The following SLC36A4 variants were observed in gnomAD, a reference collection of about 807,000 sequenced individuals.
SLC36A4 encodes solute carrier family 36 member 4.
A neutral mutation model predicts 50.5 loss-of-function variants in SLC36A4; 49 were observed. That is an observed-to-expected ratio of 0.97 (90% CI 0.77 to 1.23). The LOEUF is 1.23. Ranked by LOEUF, SLC36A4 falls within the 50% of genes most tolerant of loss-of-function variation. SLC36A4 has a pLI of 0.00. For missense variants in SLC36A4, 611 were observed against 608.4 expected (o/e 1.00, Z -0.05); for synonymous variants, 207 against 206.5 (o/e 1.00, Z -0.02).
intron 10 of SLC36A4, chr11:93,152,829 T>G (rs1860158708): frequency 6.6e-6 from 1 of 152,110 alleles, no homozygotes; most frequent in African/African-American, 2.4e-5. Flanking sequence ...TAAAAACACT[T>G]TTACTGAAAT....
intron 1 of SLC36A4, 123 bp from the exon 2 acceptor site, chr11:93,185,937 G>A (rs923258488): frequency 1.3e-6 from 1 of 797,388 alleles, no homozygotes; most frequent in East Asian, 2.9e-5. Flanking sequence ...TCCATCCTAA[G>A]TTAGTTCATA....
intron 9 of SLC36A4, chr11:93,159,650 T>C (rs1302422664): frequency 9.1e-6 from 2 of 219,016 alleles, no homozygotes; most frequent in Non-Finnish European, 1.5e-5. Flanking sequence ...TATCACTAGA[T>C]TGAATGCCTT....
intron 1 of SLC36A4, among the ~76,000 whole-genome samples, chr11:93,190,950 A>T (rs1270809356): frequency 6.6e-6 from 1 of 152,258 alleles, no homozygotes; most frequent in Non-Finnish European, 1.5e-5. Context: ...AACTAAGAAA[A>T]GGTAAAGCAA....
At chr11:93,185,530 A>C in intron 2 of SLC36A4, 161 bp downstream of exon 2, 1 of 577,842 alleles carries the variant, frequency 1.7e-6, no homozygotes, top group Non-Finnish European at 2.8e-6. Flanking sequence ...TCTGTGATTT[A>C]AACGCATTTC....
At chr11:93,154,904 T>C (rs1860280720) in intron 9 of SLC36A4, 1 of 152,162 alleles carries the variant, frequency 6.6e-6, no homozygotes, top group African/African-American at 2.4e-5. Context: ...AATTAACTTA[T>C]CTCTTTGATA....
intron 1 of SLC36A4, among the ~76,000 whole-genome samples, chr11:93,188,223 T>C (rs1320671564): frequency 6.6e-6 from 1 of 152,236 alleles, no homozygotes; most frequent in African/African-American, 2.4e-5. Context: ...TGCTTCAAGT[T>C]GAATTCACAG....
At chr11:93,196,518 C>T (rs1056285030) in intron 1 of SLC36A4, among the ~76,000 whole-genome samples, 10 of 152,300 alleles carry the variant, frequency 6.6e-5, no homozygotes, top group African/African-American at 2.4e-4. Context: ...AGGCGCCCGC[C>T]ACCACGCCCG....
At chr11:93,177,757 G>A (rs933828787) in intron 6 of SLC36A4, among the ~76,000 whole-genome samples, 1 of 152,128 alleles carries the variant, frequency 6.6e-6, no homozygotes, top group African/African-American at 2.4e-5. Flanking sequence ...GGGGGACCCG[G>A]CTGTATGAGA....
chr11:93,187,263 G>A (rs1182915786), intron 1 of SLC36A4, among the ~76,000 whole-genome samples: 3 of 151,992 alleles, frequency 2.0e-5, no homozygotes, highest in Non-Finnish European at 2.9e-5. Flanking sequence ...TATTTTCTTT[G>A]TCTTTAAAGT....
Position 93,167,936 on chromosome 11 carries a change from A to T in SLC36A4, c.768+8T>A. 6.4e-7 allele frequency: 1 copy of T among 1,570,242 alleles called. No homozygotes were observed. Among genetic ancestry groups the T allele is most frequent in the South Asian group, 1.2e-5 (1 of 84,060 alleles). Reference sequence around the variant, plus strand: ...ATAAGAACTTAGTTAAAAACTTTTTATACTTACCCTGACAACATACTGGTA... The same window carrying T: ...ATAAGAACTTAGTTAAAAACTTTTTTTACTTACCCTGACAACATACTGGTA... On this transcript the variant is annotated splice_region_variant and intron_variant, in intron 7 of 10. Coordinates refer to ENST00000326402, the MANE Select transcript of SLC36A4 (RefSeq NM_152313.4).
chr11:93,185,671 T>A lies in SLC36A4; in HGVS notation c.179+20A>T, dbSNP rs771226969. 1.6e-5 allele frequency: 25 copies of A among 1,560,750 alleles called. No individual in the cohort carries two copies. Among genetic ancestry groups the A allele is most frequent in the Non-Finnish European group, 2.2e-5 (25 of 1,161,386 alleles). On this transcript the variant is annotated intron_variant, in intron 2 of 10. Transcript: ENST00000326402. Reference sequence around the variant, plus strand: ...ATACTGAATTAAAAGAAAAGGAGACTTATAAACCATAACACTTACGAAATG... The same window carrying A: ...ATACTGAATTAAAAGAAAAGGAGACATATAAACCATAACACTTACGAAATG...
At chr11:93,164,747 TG>T (rs1860787315) in intron 8 of SLC36A4, among the ~76,000 whole-genome samples, 1 of 152,190 alleles carries the variant, frequency 6.6e-6, no homozygotes, top group Non-Finnish European at 1.5e-5. Flanking sequence ...AGGTGTTTTA[TG>T]TATAGTCTCC....
In SLC36A4 at chr11:93,154,080, TATGATATAAATATATA is replaced by T. The variant is rs1383964938; in HGVS notation, c.1207+12_1207+27del. 4 of 1,073,478 alleles carry T rather than the reference TATGATATAAATATATA, an allele frequency of 3.7e-6. No individual in the cohort carries two copies. Among genetic ancestry groups the T allele is most frequent in the African/African-American group, 1.7e-5 (1 of 59,432 alleles). The allele number at this position is 1,073,478 out of a possible 1,614,324, so 66.5% of individuals were successfully genotyped here. The stretch of plus-strand genomic sequence containing the variant: ...AAGAAATTGAACAATAAAAAATTAT[TATGATATAAATATATA>T]ATGATACTTACAAGTAATACTAACC... On this transcript the variant is annotated intron_variant, in intron 10 of 10. Coordinates refer to ENST00000326402, the MANE Select transcript of SLC36A4 (RefSeq NM_152313.4).
In SLC36A4 at chr11:93,184,452, G is replaced by C. The variant is rs1223484336; in HGVS notation, c.248C>G (p.Ala83Gly). ...TACCACTATGCCTGCATTTTTTATT[G>C]CCAATGGAAGTCCTAAAAGGCCAGT... ...IGTGLLGLPL[A>G]IKNAGIVLGP... The change falls in exon 3 of 11, where the codon GCA becomes GGA. Residue 83 changes from alanine to glycine, a missense_variant. By Grantham distance (60) the Ala-to-Gly change is moderately conservative. Coordinates refer to ENST00000326402, the MANE Select transcript of SLC36A4 (RefSeq NM_152313.4). The C allele has an allele frequency of 1.2e-6, 2 of 1,608,888 alleles. No homozygotes were observed. Among genetic ancestry groups the C allele is most frequent in the South Asian group, 2.2e-5 (2 of 90,900 alleles).
At chr11:93,148,925 C>G (rs1214874839) in intron 10 of SLC36A4, 81 bp from the exon 11 acceptor site, 4 of 1,233,716 alleles carry the variant, frequency 3.2e-6, no homozygotes, top group Non-Finnish European at 4.6e-6. Context: ...ATTTTCAATA[C>G]TGAAAGTAAT....
intron 9 of SLC36A4, chr11:93,155,009 T>G (rs1467944105): frequency 6.6e-6 from 1 of 152,122 alleles, no homozygotes; most frequent in African/African-American, 2.4e-5. Flanking sequence ...TTCGCATGCA[T>G]GTCTTGATAA....
Position 93,197,354 on chromosome 11 carries a change from A to T in SLC36A4, c.55+424T>A, listed in dbSNP as rs576113398. On this transcript the variant is annotated intron_variant, in intron 1 of 10. Transcript: ENST00000326402. ...CACGACCTGTTCGAAACTCTGGGAT[A>T]ACAAGGAGTAAAATGAGGATTCATC... The T allele has an allele frequency of 4.2e-5, 8 of 188,550 alleles. No individual in the cohort carries two copies. The South Asian group carries it at 7.8e-4, about 18-fold the overall frequency. 11.7% of individuals were successfully genotyped at this position (188,550 alleles called of 1,614,324 possible).
intron 9 of SLC36A4, among the ~76,000 whole-genome samples, chr11:93,158,733 C>A (rs1473481722): frequency 6.6e-6 from 1 of 152,054 alleles, no homozygotes; most frequent in Non-Finnish European, 1.5e-5. Context: ...ATTATCACAA[C>A]CTTTTCTTCA....
At chr11:93,171,776 T>A (rs1861147098) in intron 6 of SLC36A4, 1 of 152,060 alleles carries the variant, frequency 6.6e-6, no homozygotes, top group Non-Finnish European at 1.5e-5. Flanking sequence ...ATAAAAAGCC[T>A]CTTAATGGAG....
Sources: allele counts gnomAD v4.1 joint callset (sites outside exome capture counted in the v4.1 genomes callset), GRCh38; gene constraint gnomAD v4.1.1; transcripts MANE v1.5; gene names NCBI Gene and HGNC (gene_info 2026-07-23, HGNC 2026-07-21).